GRIN3A: variants seen among roughly 807,000 people sequenced by gnomAD.
GRIN3A encodes the protein glutamate ionotropic receptor NMDA type subunit 3A, also known as glutamate receptor ionotropic, NMDA 3A.
A neutral mutation model predicts 92.4 loss-of-function variants in GRIN3A; 47 were observed. That is an observed-to-expected ratio of 0.51 (90% confidence interval 0.40 to 0.65). The LOEUF is 0.65. Ranked by LOEUF, GRIN3A falls within the 30% of genes least tolerant of loss-of-function variation. The pLI is 0.00. For synonymous variants in GRIN3A, 527 were observed against 540.6 expected (o/e 0.97, Z 0.35); for missense variants, 1,324 against 1,393.1 (o/e 0.95, Z 0.79).
In GRIN3A at chr9:101,670,833, A is replaced by T. The variant is rs2118952727; in HGVS notation, c.1579T>A (p.Phe527Ile). Residue 527 changes from phenylalanine to isoleucine, a missense_variant, in exon 3 of 9, where the codon TTC becomes ATC. Coordinates refer to ENST00000361820, the MANE Select transcript of GRIN3A (RefSeq NM_133445.3). ...VVTLIEHPFV[F>I]TREVDDEGLC... ...CCTTCATCATCTACCTCCCTTGTGAAGACAAAAGGATGCTCAATCAGGGTA... is the reference window on the plus strand; with the variant it reads ...CCTTCATCATCTACCTCCCTTGTGATGACAAAAGGATGCTCAATCAGGGTA... 1 of 1,613,976 alleles carries T rather than the reference A, an allele frequency of 6.2e-7. No individual in the cohort carries two copies. Among genetic ancestry groups the T allele is most frequent in the East Asian group, 2.2e-5 (1 of 44,854 alleles).
chr9:101,673,936 A>G (rs1829360888), intron 2 of GRIN3A, among the ~76,000 whole-genome samples: 1 of 152,106 alleles, frequency 6.6e-6, no homozygotes. Flanking sequence ...ACTGGAACAG[A>G]GAGCAAGAGC....
At chr9:101,617,982 A>G (rs1303634948) in intron 5 of GRIN3A, among the ~76,000 whole-genome samples, 1 of 151,920 alleles carries the variant, frequency 6.6e-6, no homozygotes, top group Non-Finnish European at 1.5e-5. Flanking sequence ...TGAACTCATC[A>G]TTTTTTATGG....
chr9:101,577,832 C>A lies in GRIN3A; in HGVS notation c.2944G>T (p.Ala982Ser), dbSNP rs773467586. 1 of 1,610,772 alleles carries A rather than the reference C, an allele frequency of 6.2e-7. No individual in the cohort carries two copies. The highest frequency in any genetic ancestry group is 8.5e-7 in the Non-Finnish European group (1 of 1,177,828). ...WLHTSQRLHR[A>S]INTSFIEEKQ... ...TCCTCTATAAATGATGTATTTATTG[C>A]TCTGTGTAATCTCTGATGGAGAAAA... The change falls in exon 8 of 9, where the codon GCA (alanine) becomes TCA (serine). Residue 982 changes from alanine (A) to serine (S), a missense_variant. By Grantham distance (99) the Ala-to-Ser change is moderately conservative. Coordinates refer to ENST00000361820, the MANE Select transcript of GRIN3A (RefSeq NM_133445.3).
intron 3 of GRIN3A, among the ~76,000 whole-genome samples, chr9:101,643,328 C>T (rs910716691): frequency 6.6e-5 from 10 of 152,056 alleles, no homozygotes; most frequent in South Asian, 2.1e-4. Flanking sequence ...ATCAGGAAAA[C>T]GCAAATCAAA....
rs143192408 is a variant in GRIN3A, at chr9:101,582,495, G to A, written c.2767-3135C>T. 8.5e-4 allele frequency among the ~76,000 whole-genome samples: 130 copies of A among 152,304 alleles called. 1 individual carries two copies. Among genetic ancestry groups the A allele is most frequent in the Middle Eastern group, 3.4e-3 (1 of 294 alleles). On this transcript the variant is annotated intron_variant, in intron 6 of 8. Transcript: ENST00000361820. ...GGGAAAGGGTTTGGTAGGGAAGCAC[G>A]TTGGACCCCAAGGGCTTCAGAGGTA... is the stretch of plus-strand genomic sequence containing the variant.
intron 2 of GRIN3A, among the ~76,000 whole-genome samples, chr9:101,678,275 G>A (rs1278464043): frequency 6.6e-6 from 1 of 152,136 alleles, no homozygotes; most frequent in Non-Finnish European, 1.5e-5. Flanking sequence ...ATTTGCATTT[G>A]TAATTTGCAA....
Position 101,624,146 on chromosome 9 carries a change from A to G in GRIN3A, c.2499-713T>C, listed in dbSNP as rs148332234. Among the ~76,000 whole-genome samples the G allele has an allele frequency of 3.3e-3, 496 of 152,332 alleles. 11 individuals carry two copies. Among genetic ancestry groups the G allele is most frequent in the Non-Finnish European group, 8.4e-4 (57 of 68,030 alleles). The stretch of plus-strand genomic sequence containing the variant: ...AGTCTAATTTGCTTTTATTGTGACT[A>G]TGTCCTGAGCCCATCCCTGGATATT... On this transcript the variant is annotated intron_variant, in intron 4 of 8. Transcript: ENST00000361820.
At chr9:101,584,393 A>G (rs1827924757) in intron 6 of GRIN3A, among the ~76,000 whole-genome samples, 1 of 152,246 alleles carries the variant, frequency 6.6e-6, no homozygotes, top group South Asian at 2.1e-4. Context: ...AAGAAAAAAC[A>G]TAGTTTGTAT....
chr9:101,619,931 A>G (rs1828526424), intron 5 of GRIN3A, among the ~76,000 whole-genome samples: 1 of 152,176 alleles, frequency 6.6e-6, no homozygotes, highest in African/African-American at 2.4e-5. Context: ...GACTTTCCAC[A>G]TGCTTTCGCA....
intron 2 of GRIN3A, among the ~76,000 whole-genome samples, chr9:101,678,092 C>A (rs62576305): frequency 0.081 from 12,314 of 152,152 alleles, 535 homozygotes; most frequent in Middle Eastern, 0.15. Context: ...ACCTATCTCA[C>A]TGAGTCATCT....
chr9:101,608,895 G>A (rs1353856826), intron 6 of GRIN3A, among the ~76,000 whole-genome samples: 10 of 152,196 alleles, frequency 6.6e-5, no homozygotes, highest in African/African-American at 2.2e-4. Flanking sequence ...AAAGCTGGGA[G>A]GACTTGCTTT....
chr9:101,619,151 G>A (rs1197666690), intron 5 of GRIN3A, among the ~76,000 whole-genome samples: 2 of 152,192 alleles, frequency 1.3e-5, no homozygotes, highest in Non-Finnish European at 2.9e-5. Context: ...CTTCCGAAAT[G>A]TGGTTGGAAA....
At chr9:101,615,306 C>A (rs1354183093) in intron 5 of GRIN3A, among the ~76,000 whole-genome samples, 1 of 149,200 alleles carries the variant, frequency 6.7e-6, no homozygotes, top group Non-Finnish European at 1.5e-5. Flanking sequence ...GTCAAGCATC[C>A]AAAGATACTT....
intron 2 of GRIN3A, among the ~76,000 whole-genome samples, chr9:101,676,863 C>CTTT (rs11428077): frequency 1.4e-5 from 2 of 147,326 alleles, no homozygotes; most frequent in Admixed American, 6.8e-5. Context: ...TCCCCTTTTC[C>CTTT]TTTTTTTTTT....
At chr9:101,613,932 C>G (rs972841974) in intron 5 of GRIN3A, among the ~76,000 whole-genome samples, 2 of 152,256 alleles carry the variant, frequency 1.3e-5, no homozygotes, top group African/African-American at 4.8e-5. Context: ...TGATGACATT[C>G]TCTTATCGGT....
At chr9:101,659,378 T>C (rs371823880) in intron 3 of GRIN3A, among the ~76,000 whole-genome samples, 9 of 144,780 alleles carry the variant, frequency 6.2e-5, no homozygotes, top group East Asian at 6.0e-4. Context: ...TATTTATTTA[T>C]ACATAGAAAG....
chr9:101,651,108 T>C (rs1239546753), intron 3 of GRIN3A, among the ~76,000 whole-genome samples: 1 of 152,032 alleles, frequency 6.6e-6, no homozygotes, highest in Non-Finnish European at 1.5e-5. Context: ...ATTATATTAA[T>C]TGATATAAAA....
chr9:101,639,837 A>C (rs1272659604), intron 3 of GRIN3A, among the ~76,000 whole-genome samples: 3 of 152,238 alleles, frequency 2.0e-5, no homozygotes, highest in African/African-American at 7.2e-5. Flanking sequence ...AACCAGCCTC[A>C]CAGGCTCCTA....
chr9:101,698,054 A>G (rs1181447388), intron 1 of GRIN3A, among the ~76,000 whole-genome samples: 3 of 152,192 alleles, frequency 2.0e-5, no homozygotes, highest in Non-Finnish European at 2.9e-5. Context: ...TGAAGTTACT[A>G]ATTTTTCTTC....
Sources: allele counts gnomAD v4.1 joint callset (sites outside exome capture counted in the v4.1 genomes callset), GRCh38; gene constraint gnomAD v4.1.1; transcripts MANE v1.5; gene names NCBI Gene and HGNC (gene_info 2026-07-23, HGNC 2026-07-21).